The following DENND1B variants were observed in gnomAD, a reference collection of about 807,000 sequenced individuals.
DENND1B encodes DENN domain containing 1B.
DENND1B carries 59 observed loss-of-function variants against 90.1 expected under a neutral mutation model. The observed-to-expected ratio is 0.65, with a 90% CI of 0.53 to 0.81. The LOEUF is 0.81. Among genes scored for constraint, DENND1B ranks in the 40% least tolerant of loss-of-function variants. The pLI is 0.00. For missense variants in DENND1B, 862 were observed against 912.6 expected (o/e 0.94, Z 0.71); for synonymous variants, 337 against 324.6 (o/e 1.04, Z -0.41).
intron 13 of DENND1B, among the ~76,000 whole-genome samples, chr1:197,604,823 C>T (rs1003104108): frequency 1.9e-4 from 29 of 150,976 alleles, no homozygotes; most frequent in African/African-American, 5.6e-4. Context: ...TCTAGTGGGG[C>T]AGGGGAGCTT....
chr1:197,569,276 G>A (rs1006347327), intron 15 of DENND1B, among the ~76,000 whole-genome samples: 5 of 152,014 alleles, frequency 3.3e-5, no homozygotes, highest in Admixed American at 1.3e-4. Flanking sequence ...CAAGAGGTAA[G>A]TTTTGGCCAG....
At chr1:197,603,488 C>T (rs930402107) in intron 13 of DENND1B, among the ~76,000 whole-genome samples, 1 of 150,946 alleles carries the variant, frequency 6.6e-6, no homozygotes, top group African/African-American at 2.4e-5. Flanking sequence ...ACTATTCTTA[C>T]AATCTAATAA....
chr1:197,566,140 C>G (rs912593466), intron 15 of DENND1B, among the ~76,000 whole-genome samples: 4 of 151,990 alleles, frequency 2.6e-5, no homozygotes, highest in African/African-American at 7.2e-5. Flanking sequence ...TCCACATCCT[C>G]TCCAGCACCT....
Position 197,694,324 on chromosome 1 carries a change from C to T in DENND1B, c.127-20155G>A, listed in dbSNP as rs185211595. Among the ~76,000 whole-genome samples the T allele has an allele frequency of 6.7e-3, 1,012 of 151,364 alleles. 17 individuals carry two copies. Among genetic ancestry groups the T allele is most frequent in the Non-Finnish European group, 7.8e-3 (524 of 67,458 alleles). On this transcript the variant is annotated intron_variant, in intron 3 of 22. Transcript: ENST00000620048. ...TTTATGAGTTAATAATGAGTTTATG[C>T]CAATTTTGCAAGACTTTATTTTCTA...
At chr1:197,734,187 T>C (rs945913518) in intron 2 of DENND1B, 1 of 876,550 alleles carries the variant, frequency 1.1e-6, no homozygotes, top group African/African-American at 1.8e-5. Flanking sequence ...AACAGTAAAC[T>C]AAAAAGTAGA....
At chr1:197,735,874 G>A (rs1173749141) in intron 2 of DENND1B, 5 of 1,564,852 alleles carry the variant, frequency 3.2e-6, no homozygotes, top group Non-Finnish European at 4.4e-6. Context: ...AAATTGCAGG[G>A]GGCTATTACA....
At chr1:197,738,836 C>A (rs1334676974) in intron 2 of DENND1B, among the ~76,000 whole-genome samples, 3 of 152,164 alleles carry the variant, frequency 2.0e-5, no homozygotes, top group African/African-American at 7.2e-5. Flanking sequence ...AGAGATAAAA[C>A]AAACAAGGTA....
chr1:197,773,930 G>A (rs1656928332), intron 1 of DENND1B, among the ~76,000 whole-genome samples: 1 of 152,106 alleles, frequency 6.6e-6, no homozygotes, highest in African/African-American at 2.4e-5. Context: ...TTCAAGAAAC[G>A]AATGCCAGCT....
chr1:197,648,757 G>A (rs781704597), intron 7 of DENND1B, among the ~76,000 whole-genome samples: 1 of 151,986 alleles, frequency 6.6e-6, no homozygotes, highest in Non-Finnish European at 1.5e-5. Flanking sequence ...CTCCTTAACT[G>A]CTCTTTCCCC....
At chr1:197,675,286 T>C (rs372378922) in intron 3 of DENND1B, among the ~76,000 whole-genome samples, 2 of 152,122 alleles carry the variant, frequency 1.3e-5, no homozygotes, top group East Asian at 1.9e-4. Context: ...AAATATAGCA[T>C]TGAGTGTTTT....
intron 13 of DENND1B, among the ~76,000 whole-genome samples, chr1:197,599,614 C>T (rs1228259339): frequency 2.0e-5 from 3 of 151,670 alleles, no homozygotes; most frequent in Non-Finnish European, 4.4e-5. Context: ...TTATAGTTAT[C>T]ACATGAATTA....
intron 4 of DENND1B, 130 bp from the exon 5 acceptor site, chr1:197,672,286 A>T: frequency 2.7e-6 from 3 of 1,118,972 alleles, no homozygotes; most frequent in Non-Finnish European, 3.7e-6. Flanking sequence ...TGAAGCTAGA[A>T]CTATGTTCTA....
intron 3 of DENND1B, among the ~76,000 whole-genome samples, chr1:197,697,804 G>A (rs1052344914): frequency 2.0e-5 from 3 of 151,620 alleles, no homozygotes; most frequent in African/African-American, 7.3e-5. Context: ...AACCAACAAA[G>A]ATCAAAAAAG....
intron 18 of DENND1B, among the ~76,000 whole-genome samples, chr1:197,541,320 T>C (rs1670320536): frequency 6.6e-6 from 1 of 152,186 alleles, no homozygotes; most frequent in Admixed American, 6.5e-5. Context: ...ATTACAATGT[T>C]AAAACTGTAA....
At chr1:197,664,703 A>G (rs1654766595) in intron 5 of DENND1B, among the ~76,000 whole-genome samples, 1 of 152,150 alleles carries the variant, frequency 6.6e-6, no homozygotes, top group South Asian at 2.1e-4. Flanking sequence ...AAACTAAGGA[A>G]ACTGCCTTTC....
intron 20 of DENND1B, among the ~76,000 whole-genome samples, chr1:197,518,187 T>C (rs1027502315): frequency 6.6e-6 from 1 of 151,856 alleles, no homozygotes; most frequent in Non-Finnish European, 1.5e-5. Context: ...TTATGAGGTG[T>C]CTGACCAGTG....
chr1:197,643,925 C>T (rs992795149), intron 9 of DENND1B, among the ~76,000 whole-genome samples: 2 of 152,166 alleles, frequency 1.3e-5, no homozygotes, highest in Non-Finnish European at 2.9e-5. Context: ...CAAACAAAAA[C>T]TGTAGCATCA....
At chr1:197,678,842 C>T (rs1381632406) in intron 3 of DENND1B, among the ~76,000 whole-genome samples, 2 of 152,102 alleles carry the variant, frequency 1.3e-5, no homozygotes, top group African/African-American at 4.8e-5. Flanking sequence ...CCAGCTTCAT[C>T]CATGTCCCTT....
intron 2 of DENND1B, among the ~76,000 whole-genome samples, chr1:197,770,145 T>C (rs995754556): frequency 6.6e-6 from 1 of 152,202 alleles, no homozygotes; most frequent in Admixed American, 6.6e-5. Context: ...TGGCTGAGTT[T>C]AGTTTTTTAA....
Sources: allele counts gnomAD v4.1 joint callset (sites outside exome capture counted in the v4.1 genomes callset), GRCh38; gene constraint gnomAD v4.1.1; transcripts MANE v1.5; gene names NCBI Gene and HGNC (gene_info 2026-07-23, HGNC 2026-07-21).